The following SERGEF variants were observed in gnomAD, a reference collection of about 807,000 sequenced individuals.
SERGEF encodes secretion regulating guanine nucleotide exchange factor.
Under a neutral mutation model 50.0 loss-of-function variants are expected in SERGEF, and 51 were observed. The observed-to-expected ratio is 1.02, with a 90% confidence interval of 0.81 to 1.29. The LOEUF (loss-of-function observed/expected upper bound fraction) is 1.29. Ranked by LOEUF, SERGEF falls within the 50% of genes most tolerant of loss-of-function variation. The pLI, the probability that SERGEF is intolerant of heterozygous loss-of-function variation, is 0.00. For missense variants in SERGEF, 521 were observed against 557.0 expected, an observed-to-expected ratio of 0.94 and a Z score of 0.65; for synonymous variants, 205 against 212.4, an observed-to-expected ratio of 0.97 and a Z score of 0.30.
chr11:17,880,887 A>C (rs2133900697), intron 9 of SERGEF, among the ~76,000 whole-genome samples: 1 of 152,338 alleles, frequency 6.6e-6, no homozygotes, highest in East Asian at 1.9e-4. Flanking sequence ...CTGTGGTGGC[A>C]GTAGTAGTGG....
chr11:17,838,031 G>A (rs1159779729), intron 10 of SERGEF, among the ~76,000 whole-genome samples: 1 of 152,134 alleles, frequency 6.6e-6, no homozygotes, highest in Non-Finnish European at 1.5e-5. Flanking sequence ...CCAAATAGAC[G>A]AAGATAGTAA....
intron 10 of SERGEF, among the ~76,000 whole-genome samples, chr11:17,840,502 C>A (rs1470417769): frequency 1.3e-5 from 2 of 152,178 alleles, no homozygotes; most frequent in Non-Finnish European, 2.9e-5. Context: ...CTTCTCTCAC[C>A]CTCACCTGCT....
chr11:17,967,439 C>G (rs897674588), intron 8 of SERGEF, among the ~76,000 whole-genome samples: 16 of 152,216 alleles, frequency 1.1e-4, no homozygotes, highest in African/African-American at 3.1e-4. Context: ...TGAGCTTCAT[C>G]CATCCTTGAC....
chr11:17,846,199 C>T (rs1206279258), intron 10 of SERGEF, among the ~76,000 whole-genome samples: 3 of 152,172 alleles, frequency 2.0e-5, no homozygotes, highest in African/African-American at 7.2e-5. Context: ...TAGAGTCCTT[C>T]GTGCTGTGCA....
At chr11:17,974,468 G>C (rs914445553) in intron 8 of SERGEF, among the ~76,000 whole-genome samples, 2 of 152,148 alleles carry the variant, frequency 1.3e-5, no homozygotes, top group Non-Finnish European at 2.9e-5. Context: ...AATCAGCAAA[G>C]CACTGTTACT....
chr11:17,796,110 G>A (rs1250026357), intron 10 of SERGEF, among the ~76,000 whole-genome samples: 1 of 152,192 alleles, frequency 6.6e-6, no homozygotes. Flanking sequence ...TGGGGGAAGG[G>A]TGACCCTCAT....
At chr11:17,910,590 A>G (rs551426596) in intron 9 of SERGEF, among the ~76,000 whole-genome samples, 1 of 152,244 alleles carries the variant, frequency 6.6e-6, no homozygotes, top group South Asian at 2.1e-4. Context: ...AATCATGGGA[A>G]TTTGTCGTCT....
intron 9 of SERGEF, among the ~76,000 whole-genome samples, chr11:17,944,375 C>A (rs1293860507): frequency 6.6e-6 from 1 of 152,194 alleles, no homozygotes; most frequent in African/African-American, 2.4e-5. Context: ...TGATATGTAA[C>A]TTTCAAGAAG....
Position 17,888,248 on chromosome 11 carries a change from AG to A in SERGEF, c.1012-10005del. ...GGGAAATATTGATATTCACAACATA[AG>A]TAAATCTTTAAGAATAATAATATGA... On this transcript the variant is annotated intron_variant, in intron 9 of 10. Transcript: ENST00000265965. The surrounding 1 kb of genome is among the most constrained non-coding windows in gnomAD (Gnocchi z 4.1). Among the ~76,000 whole-genome samples, 1 of 152,316 alleles carries A rather than the reference AG, an allele frequency of 6.6e-6. No homozygotes were observed. Among genetic ancestry groups the A allele is most frequent in the Middle Eastern group, 3.4e-3 (1 of 294 alleles).
intron 9 of SERGEF, among the ~76,000 whole-genome samples, chr11:17,939,998 A>C (rs1852530882): frequency 6.6e-6 from 1 of 152,246 alleles, no homozygotes; most frequent in Non-Finnish European, 1.5e-5. Context: ...ATTTGGAATT[A>C]AACATGTTTA....
intron 10 of SERGEF, among the ~76,000 whole-genome samples, chr11:17,794,176 G>A (rs563169113): frequency 1.3e-5 from 2 of 152,208 alleles, no homozygotes; most frequent in Non-Finnish European, 2.9e-5. Flanking sequence ...CAGCTAGCTA[G>A]GTGTGATCAG....
At chr11:17,848,559 T>G (rs1850656137) in intron 10 of SERGEF, among the ~76,000 whole-genome samples, 2 of 152,200 alleles carry the variant, frequency 1.3e-5, no homozygotes, top group Admixed American at 6.5e-5. Context: ...CAGTATATTT[T>G]TCATATGTGC....
chr11:17,834,225 G>A (rs933317693), intron 10 of SERGEF, among the ~76,000 whole-genome samples: 10 of 152,136 alleles, frequency 6.6e-5, no homozygotes, highest in Non-Finnish European at 1.3e-4. Flanking sequence ...TTAAAAAGAG[G>A]TGTTCCCCTG....
At chr11:17,997,502 A>G (rs957947468) in intron 5 of SERGEF, among the ~76,000 whole-genome samples, 1 of 152,346 alleles carries the variant, frequency 6.6e-6, no homozygotes, top group African/African-American at 2.4e-5. Context: ...GAATTACCAT[A>G]TGAACTAATA....
intron 10 of SERGEF, among the ~76,000 whole-genome samples, chr11:17,839,613 C>T (rs536443536): frequency 6.6e-6 from 1 of 152,160 alleles, no homozygotes; most frequent in South Asian, 2.1e-4. Context: ...AGTGAGCTGA[C>T]ACATGCCCTG....
intron 9 of SERGEF, among the ~76,000 whole-genome samples, chr11:17,956,862 A>G (rs958114341): frequency 3.3e-5 from 5 of 152,168 alleles, no homozygotes; most frequent in African/African-American, 1.2e-4. Context: ...CAAGCCCATG[A>G]CCAAGGTAGC....
intron 9 of SERGEF, among the ~76,000 whole-genome samples, chr11:17,958,194 C>A (rs996201733): frequency 6.6e-6 from 1 of 152,170 alleles, no homozygotes; most frequent in African/African-American, 2.4e-5. Context: ...GTCCTACATA[C>A]CCGGAAGGAG....
chr11:17,873,122 C>T (rs1025565883), intron 10 of SERGEF, among the ~76,000 whole-genome samples: 1 of 152,126 alleles, frequency 6.6e-6, no homozygotes, highest in African/African-American at 2.4e-5. Context: ...GCTTTAAAAA[C>T]AGGCCAGACT....
At chr11:17,805,848 T>C (rs762304588) in intron 10 of SERGEF, among the ~76,000 whole-genome samples, 2 of 152,212 alleles carry the variant, frequency 1.3e-5, no homozygotes, top group Non-Finnish European at 2.9e-5. Flanking sequence ...ACAATTCCAG[T>C]GCTGTGGTGA....
Sources: allele counts gnomAD v4.1 joint callset (sites outside exome capture counted in the v4.1 genomes callset), GRCh38; gene constraint gnomAD v4.1.1; non-coding constraint Gnocchi (gnomAD v3.1); transcripts MANE v1.5; gene names NCBI Gene and HGNC (gene_info 2026-07-23, HGNC 2026-07-21).